Variants in CHN2 observed in about 807,000 individuals in gnomAD.
CHN2 encodes beta-chimaerin.
In CHN2, 35 loss-of-function variants were observed where a neutral mutation model predicts 56.3. The observed-to-expected ratio is 0.62, with a 90% CI of 0.47 to 0.82. CHN2 has a LOEUF of 0.82. Ranked by LOEUF, CHN2 falls within the 40% of genes least tolerant of loss-of-function variation. The pLI is 0.00. For synonymous variants in CHN2, 210 were observed against 212.8 expected (o/e 0.99, Z 0.12); for missense variants, 491 against 580.5 (o/e 0.85, Z 1.58).
At chr7:29,183,811 G>A (rs969664527) in intron 2 of CHN2, among the ~76,000 whole-genome samples, 2 of 152,128 alleles carry the variant, frequency 1.3e-5, no homozygotes, top group African/African-American at 4.8e-5. Context: ...TACATATGCA[G>A]TCAGCTCTCT....
At chr7:29,368,214 C>T (rs956126621) in intron 3 of CHN2, among the ~76,000 whole-genome samples, 4 of 151,910 alleles carry the variant, frequency 2.6e-5, no homozygotes, top group South Asian at 2.1e-4. Context: ...TAACCATTGC[C>T]GAGACAAATT....
intron 12 of CHN2, among the ~76,000 whole-genome samples, chr7:29,511,842 G>T (rs562978708): frequency 7.9e-5 from 12 of 152,050 alleles, no homozygotes; most frequent in African/African-American, 2.9e-4. Flanking sequence ...TAGATAGATT[G>T]TAATTTTATT....
At chr7:29,333,530 G>A (rs1796377848) in intron 1 of CHN2, among the ~76,000 whole-genome samples, 1 of 152,196 alleles carries the variant, frequency 6.6e-6, no homozygotes, top group South Asian at 2.1e-4. Context: ...ATTGCTTTAA[G>A]TTAGCCCATT....
intron 2 of CHN2, among the ~76,000 whole-genome samples, chr7:29,171,043 T>G (rs1278890577): frequency 6.6e-6 from 1 of 152,098 alleles, no homozygotes; most frequent in Admixed American, 6.5e-5. Context: ...CCATATCACT[T>G]ACACTTCTCT....
At chr7:29,466,001 C>T (rs559451191) in intron 6 of CHN2, among the ~76,000 whole-genome samples, 21 of 152,176 alleles carry the variant, frequency 1.4e-4, no homozygotes, top group African/African-American at 4.8e-4. Context: ...GTCAAGAGTT[C>T]GAGACCAGCC....
At chr7:29,260,448 A>T (rs1486222713) in intron 1 of CHN2, among the ~76,000 whole-genome samples, 1 of 151,948 alleles carries the variant, frequency 6.6e-6, no homozygotes, top group African/African-American at 2.4e-5. Flanking sequence ...TCTGGAGAGG[A>T]GCATCAGAGG....
intron 6 of CHN2, among the ~76,000 whole-genome samples, chr7:29,464,343 C>T (rs1401871297): frequency 6.6e-6 from 1 of 152,062 alleles, no homozygotes; most frequent in Non-Finnish European, 1.5e-5. Context: ...CTGTAATCCT[C>T]CAAGAAAGTG....
chr7:29,502,059 T>G (rs1790027750), intron 9 of CHN2, among the ~76,000 whole-genome samples: 1 of 152,228 alleles, frequency 6.6e-6, no homozygotes, highest in Non-Finnish European at 1.5e-5. Flanking sequence ...TCCAATCTAC[T>G]GAACTCAATC....
chr7:29,264,881 A>T (rs576370828), intron 1 of CHN2, among the ~76,000 whole-genome samples: 1 of 150,942 alleles, frequency 6.6e-6, no homozygotes, highest in African/African-American at 2.5e-5. Context: ...GCAAAAAAAA[A>T]AAAACAAGTT....
intron 6 of CHN2, among the ~76,000 whole-genome samples, chr7:29,430,810 A>G (rs1464563349): frequency 6.9e-6 from 1 of 145,334 alleles, no homozygotes; most frequent in Non-Finnish European, 1.5e-5. Flanking sequence ...AAAAAAAAAA[A>G]AGGGGACTTC....
chr7:29,435,384 A>T (rs905354312), intron 6 of CHN2, among the ~76,000 whole-genome samples: 8 of 152,214 alleles, frequency 5.3e-5, no homozygotes, highest in Admixed American at 2.6e-4. Context: ...ATGTCACTTA[A>T]TGACAGGGAT....
intron 6 of CHN2, among the ~76,000 whole-genome samples, chr7:29,413,639 A>G (rs1471272739): frequency 6.6e-6 from 1 of 152,174 alleles, no homozygotes; most frequent in Non-Finnish European, 1.5e-5. Flanking sequence ...GAAACAAGAA[A>G]CCCGGGGCTT....
chr7:29,293,337 C>T (rs1420038411), intron 1 of CHN2, among the ~76,000 whole-genome samples: 3 of 148,546 alleles, frequency 2.0e-5, no homozygotes, highest in Non-Finnish European at 4.4e-5. Flanking sequence ...ACTCTACCTA[C>T]ACCCTTCTTC....
chr7:29,464,527 C>A (rs998196967), intron 6 of CHN2, among the ~76,000 whole-genome samples: 1 of 152,168 alleles, frequency 6.6e-6, no homozygotes, highest in Non-Finnish European at 1.5e-5. Context: ...ATTCTGCACA[C>A]GTATCCTGGA....
At chr7:29,250,370 T>A (rs1788396179) in intron 1 of CHN2, among the ~76,000 whole-genome samples, 1 of 152,250 alleles carries the variant, frequency 6.6e-6, no homozygotes, top group African/African-American at 2.4e-5. Flanking sequence ...CTTTGATAAT[T>A]CTATAACAGA....
At chr7:29,150,033 C>T (rs886463080) in intron 2 of CHN2, among the ~76,000 whole-genome samples, 4 of 152,192 alleles carry the variant, frequency 2.6e-5, no homozygotes, top group Admixed American at 6.5e-5. Flanking sequence ...GCCAACAAAT[C>T]GGTTTGCAAA....
intron 1 of CHN2, among the ~76,000 whole-genome samples, chr7:29,274,585 A>C (rs115393050): frequency 0.039 from 5,898 of 152,314 alleles, 179 homozygotes; most frequent in African/African-American, 0.079. Flanking sequence ...AATGGAAAGC[A>C]GTGATTTACA....
At chr7:29,331,343 G>A (rs946426998) in intron 1 of CHN2, among the ~76,000 whole-genome samples, 1 of 152,182 alleles carries the variant, frequency 6.6e-6, no homozygotes. Flanking sequence ...TCCCAACCCC[G>A]GGTCTGGAGG....
intron 5 of CHN2, among the ~76,000 whole-genome samples, chr7:29,399,147 C>T (rs1043838023): frequency 6.6e-6 from 1 of 152,150 alleles, no homozygotes; most frequent in Non-Finnish European, 1.5e-5. Context: ...CACTGGGACT[C>T]TGATCATGGA....
Sources: gnomAD v4.1 joint callset for allele counts (sites outside exome capture counted in the v4.1 genomes callset) on GRCh38, gnomAD v4.1.1 for gene constraint, MANE v1.5 for transcripts, NCBI Gene and HGNC (gene_info 2026-07-23, HGNC 2026-07-21) for gene names.